Variants in PYGO1 observed in about 807,000 individuals in gnomAD.
The protein encoded by PYGO1 is pygopus homolog 1.
In PYGO1, 6 loss-of-function variants were observed where a neutral mutation model predicts 29.5. The ratio of observed to expected loss-of-function variants is 0.20; its 90% CI spans 0.11 to 0.40. The LOEUF is 0.40. Among genes scored for constraint, PYGO1 ranks in the 10% least tolerant of loss-of-function variants. PYGO1 has a pLI of 1.00. For synonymous variants in PYGO1, 186 were observed against 180.5 expected, an observed-to-expected ratio of 1.03 and a Z score of -0.24; for missense variants, 515 against 514.9, an observed-to-expected ratio of 1.00 and a Z score of 0.00.
At chr15:55,583,230 G>A (rs905175261) in intron 1 of PYGO1, among the ~76,000 whole-genome samples, 32 of 152,170 alleles carry the variant, frequency 2.1e-4, no homozygotes, top group Admixed American at 4.6e-4. Context: ...TGATTGTATA[G>A]CACATGGTCT....
At chr15:55,578,087 C>T (rs1469716812) in intron 1 of PYGO1, among the ~76,000 whole-genome samples, 5 of 152,178 alleles carry the variant, frequency 3.3e-5, no homozygotes, top group African/African-American at 1.2e-4. Context: ...TAAATGGAAT[C>T]ATACAATATG....
chr15:55,544,933 G>A lies in PYGO1; in HGVS notation c.*1090C>T, dbSNP rs565822101. 6.6e-6 allele frequency: 1 copy of A among 152,246 alleles called. No homozygotes were observed. The highest frequency in any genetic ancestry group is 2.1e-4 in the South Asian group (1 of 4,812). 9.4% of individuals were successfully genotyped at this position (152,246 alleles called of 1,614,324 possible). A position where few individuals can be genotyped will look rare whatever the true frequency, so the allele number is the denominator to read the frequency against. Reference sequence around the variant, plus strand: ...CCATTTTTATACTTTTCCCCAGTCAGAGCGGGAATTCCTTAAGTCTGCTGC... The same window carrying A: ...CCATTTTTATACTTTTCCCCAGTCAAAGCGGGAATTCCTTAAGTCTGCTGC... On this transcript the variant is annotated 3_prime_UTR_variant, in exon 3 of 3. Transcript: ENST00000563719.
chr15:55,577,838 T>G (rs868462640), intron 1 of PYGO1, among the ~76,000 whole-genome samples: 5 of 148,060 alleles, frequency 3.4e-5, no homozygotes, highest in Middle Eastern at 3.5e-3. Context: ...CAATCTTGGC[T>G]CACTGCAACC....
Position 55,587,877 on chromosome 15 carries a change from C to T in PYGO1, c.7G>A (p.Ala3Thr), listed in dbSNP as rs1350018801. The part of the protein sequence containing the change: MS[A>T]EQEKDPISLK... ...GAAATGGGATCCTTCTCCTGTTCTG[C>T]TGACATTACAGACCGCAAAGCATGA... is the stretch of plus-strand genomic sequence containing the variant. The change falls in exon 1 of 3, where the codon GCA becomes ACA. Residue 3 changes from alanine to threonine, a missense_variant. Transcript: ENST00000563719. The T allele has an allele frequency of 2.0e-6, 3 of 1,493,774 alleles. No homozygotes were observed. Among genetic ancestry groups the T allele is most frequent in the African/African-American group, 1.4e-5 (1 of 69,970 alleles). The allele number at this position is 1,493,774 out of a possible 1,614,324, so 92.5% of individuals were successfully genotyped here.
chr15:55,577,382 C>T (rs934292733), intron 1 of PYGO1, among the ~76,000 whole-genome samples: 2 of 152,142 alleles, frequency 1.3e-5, no homozygotes, highest in South Asian at 2.1e-4. Flanking sequence ...GCTGTATCCC[C>T]ACCACCTTGG....
At chr15:55,578,634 T>G (rs2059013775) in intron 1 of PYGO1, among the ~76,000 whole-genome samples, 1 of 152,228 alleles carries the variant, frequency 6.6e-6, no homozygotes, top group Non-Finnish European at 1.5e-5. Context: ...TATGTACTTA[T>G]GGACCATATA....
At chr15:55,588,911 G>A (rs1281848601), upstream of PYGO1, 2 of 1,509,316 alleles carry the variant, frequency 1.3e-6, no homozygotes, top group South Asian at 1.1e-5. Context: ...ACACCTGTCT[G>A]TAGAATGCCT....
chr15:55,547,026 G>A lies in PYGO1; in HGVS notation c.257C>T (p.Ser86Leu), dbSNP rs144572806. ...YNTISYKPLP[S>L]SNPYLGPGYP... ...ACCAGGGCCAAGATATGGATTTGAC[G>A]AAGGTAGTGGTTTATAGGAAATAGT... The change falls in exon 3 of 3, where the codon TCG becomes TTG. Residue 86 changes from serine (S) to leucine (L), a missense_variant. Ser to Leu is a moderately radical substitution (Grantham distance 145). Coordinates refer to ENST00000563719, the MANE Select transcript of PYGO1 (RefSeq NM_001367806.1). 73 of 1,613,832 alleles carry A rather than the reference G, an allele frequency of 4.5e-5. No individual in the cohort carries two copies. The highest frequency in any genetic ancestry group is 4.0e-4 in the Admixed American group (24 of 59,986).
At chr15:55,560,964 A>G (rs554881579) in intron 1 of PYGO1, among the ~76,000 whole-genome samples, 1 of 152,138 alleles carries the variant, frequency 6.6e-6, no homozygotes, top group East Asian at 1.9e-4. Flanking sequence ...AAAACAAACA[A>G]ACAAACAAAC....
chr15:55,540,862 A>C lies in PYGO1; in HGVS notation c.*5161T>G, dbSNP rs1387042475. The C allele has an allele frequency of 6.6e-6, 1 of 152,220 alleles. No individual in the cohort carries two copies. Among genetic ancestry groups the C allele is most frequent in the African/African-American group, 2.4e-5 (1 of 41,464 alleles). The allele number at this position is 152,220 out of a possible 1,614,324, so 9.4% of individuals were successfully genotyped here. Reference sequence around the variant, plus strand: ...TATAAAAGTACTGAACTAATATCCCAAAAAGAGGTATATGTAAACAGTACA... The same window carrying C: ...TATAAAAGTACTGAACTAATATCCCCAAAAGAGGTATATGTAAACAGTACA... On this transcript the variant is annotated 3_prime_UTR_variant, in exon 3 of 3. Transcript: ENST00000563719.
chr15:55,588,106 G>C lies in PYGO1; in HGVS notation c.-223C>G. ...GGCGGGGCGGCGTGCGGGCACCGGC[G>C]GGGCTCAGCGGCGGTGGCCGGGAGC... is the stretch of plus-strand genomic sequence containing the variant. On this transcript the variant is annotated 5_prime_UTR_variant, in exon 1 of 3. Coordinates refer to ENST00000563719, the MANE Select transcript of PYGO1 (RefSeq NM_001367806.1). The C allele has an allele frequency of 1.0e-6, 1 of 976,980 alleles. No individual in the cohort carries two copies. Among genetic ancestry groups the C allele is most frequent in the Non-Finnish European group, 1.2e-6 (1 of 817,932 alleles). The allele number at this position is 976,980 out of a possible 1,614,324, so 60.5% of individuals were successfully genotyped here.
chr15:55,588,938 C>T (rs1214904973), upstream of PYGO1: 3 of 1,252,990 alleles, frequency 2.4e-6, no homozygotes, highest in African/African-American at 1.5e-5. Flanking sequence ...GGTATTTTAA[C>T]GACTTGACTC....
Position 55,545,906 on chromosome 15 carries a change from A to T in PYGO1, c.*117T>A. 1 of 1,174,566 alleles carries T rather than the reference A, an allele frequency of 8.5e-7. No individual in the cohort carries two copies. Among genetic ancestry groups the T allele is most frequent in the Non-Finnish European group, 1.2e-6 (1 of 849,042 alleles). The allele number at this position is 1,174,566 out of a possible 1,614,324, so 72.8% of individuals were successfully genotyped here. On this transcript the variant is annotated 3_prime_UTR_variant, in exon 3 of 3. Transcript: ENST00000563719. ...AGTGATGAAGTGATTAATAAAAACTAAGTAAATAATGTTTTTGTGTATGCA... is the reference window on the plus strand; with the variant it reads ...AGTGATGAAGTGATTAATAAAAACTTAGTAAATAATGTTTTTGTGTATGCA...
intron 1 of PYGO1, among the ~76,000 whole-genome samples, chr15:55,572,121 T>C (rs1047377991): frequency 1.3e-5 from 2 of 152,138 alleles, no homozygotes; most frequent in Admixed American, 1.3e-4. Context: ...GCCTAAGCAA[T>C]CTTGACAAAC....
chr15:55,565,421 T>A (rs1179313425), intron 1 of PYGO1, among the ~76,000 whole-genome samples: 1 of 152,036 alleles, frequency 6.6e-6, no homozygotes, highest in African/African-American at 2.4e-5. Flanking sequence ...ATATGTATTT[T>A]GGCCAAGCGC....
At chr15:55,572,426 T>C (rs1009585751) in intron 1 of PYGO1, among the ~76,000 whole-genome samples, 1 of 152,152 alleles carries the variant, frequency 6.6e-6, no homozygotes, top group Non-Finnish European at 1.5e-5. Context: ...AAGATTTAAA[T>C]GTAAGACCTG....
intron 1 of PYGO1, among the ~76,000 whole-genome samples, chr15:55,561,810 G>C (rs533601778): frequency 1.3e-5 from 2 of 152,070 alleles, no homozygotes; most frequent in East Asian, 1.9e-4. Flanking sequence ...AAGATTTCAC[G>C]GTGAAAACTC....
intron 1 of PYGO1, among the ~76,000 whole-genome samples, chr15:55,572,366 C>T (rs1595991246): frequency 6.6e-6 from 1 of 152,144 alleles, no homozygotes; most frequent in East Asian, 1.9e-4. Flanking sequence ...ATGAATGAAA[C>T]TGGACACCTA....
intron 1 of PYGO1, among the ~76,000 whole-genome samples, chr15:55,581,398 A>C (rs764570010): frequency 4.1e-4 from 63 of 152,200 alleles, no homozygotes; most frequent in Non-Finnish European, 8.2e-4. Context: ...TAGAGGACTA[A>C]GTGGTAGACC....
Sources: allele counts gnomAD v4.1 joint callset (sites outside exome capture counted in the v4.1 genomes callset), GRCh38; gene constraint gnomAD v4.1.1; transcripts MANE v1.5; gene names NCBI Gene and HGNC (gene_info 2026-07-23, HGNC 2026-07-21).